Variants in USP33 observed in about 807,000 individuals in gnomAD.
USP33 encodes ubiquitin carboxyl-terminal hydrolase 33.
A neutral mutation model predicts 124.2 loss-of-function variants in USP33; 46 were observed. The observed-to-expected ratio is 0.37, with a 90% CI of 0.29 to 0.47. The LOEUF (loss-of-function observed/expected upper bound fraction) is 0.47. USP33 is among the 20% of genes least tolerant of loss of function. USP33 has a pLI of 0.99. For missense variants in USP33, 851 were observed against 1,070.6 expected (o/e 0.79, Z 2.86); for synonymous variants, 350 against 352.3 (o/e 0.99, Z 0.07).
intron 9 of USP33, among the ~76,000 whole-genome samples, chr1:77,729,250 C>A (rs1423355506): frequency 6.6e-6 from 1 of 151,938 alleles, no homozygotes; most frequent in Non-Finnish European, 1.5e-5. Flanking sequence ...AGATCAACTT[C>A]CGCTGGATGC....
Position 77,717,946 on chromosome 1 carries a change from T to C in USP33, c.1839A>G (p.Pro613=), listed in dbSNP as rs749382626. ...SFPLEGLDLQ[P]FLAKDSPAQI... The stretch of plus-strand genomic sequence containing the variant: ...GAGCTGGACTATCCTTAGCAAGAAA[T>C]GGCTGAAGATCCAAGCCTTCTAGCG... Residue 613 remains proline (P), a synonymous_variant, in exon 17 of 24, where the codon CCA becomes CCG. Transcript: ENST00000370794. The C allele has an allele frequency of 6.2e-7, 1 of 1,614,052 alleles. No homozygotes were observed. The highest frequency in any genetic ancestry group is 8.5e-7 in the Non-Finnish European group (1 of 1,179,958).
Position 77,737,106 on chromosome 1 carries a change from C to A in USP33, c.352-948G>T, listed in dbSNP as rs148527355. ...AAATTCGGAGACGACAAATAAAAAT[C>A]AAAATTTGAAAGTTCTCTTGTAATA... On this transcript the variant is annotated intron_variant, in intron 5 of 23. Coordinates refer to ENST00000370794, the MANE Select transcript of USP33 (RefSeq NM_201624.3). 6.5e-3 allele frequency among the ~76,000 whole-genome samples: 978 copies of A among 150,412 alleles called. 9 individuals carry two copies. Among genetic ancestry groups the A allele is most frequent in the African/African-American group, 0.022 (902 of 41,170 alleles).
chr1:77,717,999 T>C lies in USP33; in HGVS notation c.1786A>G (p.Thr596Ala), dbSNP rs766721170. Residue 596 changes from threonine (T) to alanine (A), a missense_variant, in exon 17 of 24, where the codon ACC (threonine) becomes GCC (alanine). This residue lies in a region of USP33 where 281 missense variants were observed against 425.0 expected (regional missense o/e 0.66). Transcript: ENST00000370794. ...KRFRHELMFS[T>A]KISTHVSFPL... Reference sequence around the variant, plus strand: ...AATGAAACATGGGTACTGATTTTGGTGGAAAACATTAGTTCATGTCTGAAT... The same window carrying C: ...AATGAAACATGGGTACTGATTTTGGCGGAAAACATTAGTTCATGTCTGAAT... The C allele has an allele frequency of 6.2e-7, 1 of 1,612,798 alleles. No individual in the cohort carries two copies. Among genetic ancestry groups the C allele is most frequent in the Non-Finnish European group, 8.5e-7 (1 of 1,179,464 alleles).
intron 21 of USP33, among the ~76,000 whole-genome samples, chr1:77,710,045 G>C (rs1161316788): frequency 6.6e-6 from 1 of 152,050 alleles, no homozygotes; most frequent in African/African-American, 2.4e-5. Flanking sequence ...TGAGAAACTT[G>C]GTACTCATTA....
chr1:77,730,344 C>A (rs566509810), intron 8 of USP33, among the ~76,000 whole-genome samples: 1 of 152,270 alleles, frequency 6.6e-6, no homozygotes, highest in East Asian at 1.9e-4. Context: ...CTCCTGAATG[C>A]AAAACTCTAA....
At chr1:77,732,422 T>C (rs978006881) in intron 7 of USP33, among the ~76,000 whole-genome samples, 2 of 152,156 alleles carry the variant, frequency 1.3e-5, no homozygotes, top group African/African-American at 4.8e-5. Context: ...CATAGTCTCC[T>C]AGCTGGTCTT....
At chr1:77,742,869 C>T (rs559472938) in intron 1 of USP33, among the ~76,000 whole-genome samples, 1 of 151,894 alleles carries the variant, frequency 6.6e-6, no homozygotes, top group South Asian at 2.1e-4. Context: ...TATATAGAAC[C>T]CCTTTGTTAC....
intron 21 of USP33, among the ~76,000 whole-genome samples, chr1:77,709,975 C>G (rs757644832): frequency 2.0e-5 from 3 of 151,886 alleles, no homozygotes; most frequent in Non-Finnish European, 4.4e-5. Context: ...AATCCAATAA[C>G]AACACAAGGT....
At position 77,741,618 on chromosome 1, in the gene USP33, A is replaced by T. The variant is rs2101555027; in HGVS notation, c.80T>A (p.Leu27His). ...ITKEDLIQKS[L>H]GTCQDCKVQG... ...AGGAAGAAAAAACCTGTTTCTTACA[A>T]GGGATTTTTGTATCAAATCTTCTTT... The change falls in exon 2 of 24, where the codon CTT (leucine) becomes CAT (histidine). Residue 27 changes from leucine to histidine, a missense_variant and splice_region_variant. By Grantham distance (99) the Leu-to-His change is moderately conservative (BLOSUM62 -3). This residue lies in a region of USP33 where 221 missense variants were observed against 302.9 expected (regional missense o/e 0.73). Transcript: ENST00000370794. 6.3e-7 allele frequency: 1 copy of T among 1,582,546 alleles called. No homozygotes were observed. Among genetic ancestry groups the T allele is most frequent in the Non-Finnish European group, 8.5e-7 (1 of 1,169,686 alleles).
chr1:77,715,774 T>C lies in USP33; in HGVS notation c.2013A>G (p.Val671=). Residue 671 remains valine (V), a synonymous_variant, in exon 18 of 24, where the codon GTA becomes GTG. Coordinates refer to ENST00000370794, the MANE Select transcript of USP33 (RefSeq NM_201624.3). ...AAAGAACGTAAGCTTCTGCATTTTG[T>C]ACAGTAGATTCTGAAACTTCAGTGA... The part of the protein sequence containing the change: ...QSVTEVSEST[V]QNAEAYVLFY... 1 of 1,614,008 alleles carries C rather than the reference T, an allele frequency of 6.2e-7. No individual in the cohort carries two copies. Among genetic ancestry groups the C allele is most frequent in the Non-Finnish European group, 8.5e-7 (1 of 1,179,976 alleles).
rs1394655670 is a variant in USP33, at chr1:77,729,919, T to C, written c.658A>G (p.Thr220Ala). 7 of 1,613,504 alleles carry C rather than the reference T, an allele frequency of 4.3e-6. No individual in the cohort carries two copies. Among genetic ancestry groups the C allele is most frequent in the South Asian group, 1.1e-5 (1 of 90,946 alleles). ...GTTTTAATTCCTTGAAACAGAGTAGTAGGCACAACAGATCCTGGCCTGAGC... is the reference window on the plus strand; with the variant it reads ...GTTTTAATTCCTTGAAACAGAGTAGCAGGCACAACAGATCCTGGCCTGAGC... ...HKSRPGSVVPTTLFQGIKTVN... is the reference protein window; with the variant it reads ...HKSRPGSVVPATLFQGIKTVN... The change falls in exon 9 of 24, where the codon ACT (threonine) becomes GCT (alanine). Residue 220 changes from threonine to alanine, a missense_variant. Around this residue, in one of 4 missense-constraint regions of USP33, gnomAD observed 221 missense variants for 302.9 expected, o/e 0.73. Transcript: ENST00000370794.
In USP33 at chr1:77,730,605, T is replaced by C. The variant is rs1677696308; in HGVS notation, c.638+13A>G. Reference sequence around the variant, plus strand: ...AAGTTTAATAAAGAAGAAGAGTATATTAAGTTACATACCTGCTTTTATGCC... The same window carrying C: ...AAGTTTAATAAAGAAGAAGAGTATACTAAGTTACATACCTGCTTTTATGCC... On this transcript the variant is annotated intron_variant, in intron 8 of 23. Transcript: ENST00000370794. 1.3e-6 allele frequency: 2 copies of C among 1,509,020 alleles called. No homozygotes were observed. Among genetic ancestry groups the C allele is most frequent in the Non-Finnish European group, 1.8e-6 (2 of 1,124,922 alleles). The allele number at this position is 1,509,020 out of a possible 1,614,324, so 93.5% of individuals were successfully genotyped here.
Position 77,714,678 on chromosome 1 carries a change from A to G in USP33, c.2151T>C (p.Asn717=), listed in dbSNP as rs1358575855. The part of the protein sequence containing the change: ...LQFYISRQWL[N]KFKTFAEPGP... ...CAGGTTCGGCAAAGGTCTTAAATTT[A>G]TTAAGCCACTGTCGAGAAATATAAA... Residue 717 remains asparagine, a synonymous_variant, in exon 19 of 24, where the codon AAT becomes AAC. Transcript: ENST00000370794. The G allele has an allele frequency of 4.3e-6, 7 of 1,613,396 alleles. No individual in the cohort carries two copies. Among genetic ancestry groups the G allele is most frequent in the Non-Finnish European group, 5.1e-6 (6 of 1,179,972 alleles).
At chr1:77,729,832 A>C in intron 9 of USP33, 28 bp downstream of exon 9, 1 of 1,601,634 alleles carries the variant, frequency 6.2e-7, no homozygotes, top group Non-Finnish European at 8.5e-7. Flanking sequence ...TTTAGATTAA[A>C]ATTACAAATG....
rs1248121923 is a variant in USP33 at position 77,697,382 on chromosome 1, C to CA, written c.2670dup (p.Val891CysfsTer4). On this transcript the variant is annotated frameshift_variant, in exon 24 of 24. Coordinates refer to ENST00000370794, the MANE Select transcript of USP33 (RefSeq NM_201624.3). LOFTEE classifies it high-confidence loss of function. ...TGAAGTATATCTGGATCAACATGAA[C>CA]AACCGGAGGTCGCAGGATAACTTCA... The CA allele has an allele frequency of 1.2e-6, 2 of 1,613,008 alleles. No homozygotes were observed.
At chr1:77,702,898 TGTA>T (rs989463456) in intron 21 of USP33, among the ~76,000 whole-genome samples, 10 of 151,694 alleles carry the variant, frequency 6.6e-5, no homozygotes, top group East Asian at 5.8e-4. Context: ...TTAATCTAAT[TGTA>T]GTAGTGTGTA....
At position 77,748,604 on chromosome 1, in the gene USP33, G is replaced by A. The variant is rs572334950; in HGVS notation, c.-51-6856C>T. Among the ~76,000 whole-genome samples, 222 of 151,860 alleles carry A rather than the reference G, an allele frequency of 1.5e-3. 2 individuals carry two copies. Among genetic ancestry groups the A allele is most frequent in the African/African-American group, 5.1e-3 (212 of 41,372 alleles). On this transcript the variant is annotated intron_variant, in intron 1 of 23. Transcript: ENST00000370794. ...GAATCACTTTAACCCGGGAGGCAGA[G>A]GCTGCAGTGAGCCAAGATTGCGTCA...
At chr1:77,740,576 G>A (rs867873610) in intron 4 of USP33, among the ~76,000 whole-genome samples, 5 of 152,078 alleles carry the variant, frequency 3.3e-5, no homozygotes, top group Non-Finnish European at 4.4e-5. Flanking sequence ...GGCTGGTCTC[G>A]AACTCCTGAC....
In USP33 at chr1:77,734,348, A is replaced by T; in HGVS notation, c.523T>A (p.Cys175Ser). The T allele has an allele frequency of 6.3e-7, 1 of 1,583,446 alleles. No homozygotes were observed. Among genetic ancestry groups the T allele is most frequent in the South Asian group, 1.2e-5 (1 of 85,148 alleles). ...AACAAAATTAATTTCTCTATTTACCAATTAGAAAGAGCCTGCAAAGCTGCA... is the reference window on the plus strand; with the variant it reads ...AACAAAATTAATTTCTCTATTTACCTATTAGAAAGAGCCTGCAAAGCTGCA... ...MNAALQALSN[C>S]PPLTQFFLDC... Residue 175 changes from cysteine to serine, a missense_variant and splice_region_variant, in exon 7 of 24, where the codon TGC becomes AGC. This residue lies in a region of USP33 where 221 missense variants were observed against 302.9 expected (regional missense o/e 0.73). Coordinates refer to ENST00000370794, the MANE Select transcript of USP33 (RefSeq NM_201624.3).
Sources: allele counts gnomAD v4.1 joint callset (sites outside exome capture counted in the v4.1 genomes callset), GRCh38; gene constraint gnomAD v4.1.1; regional missense constraint gnomAD v4.1.1; transcripts MANE v1.5; gene names NCBI Gene and HGNC (gene_info 2026-07-23, HGNC 2026-07-21).